Variants in GUCY1A2 observed in about 807,000 individuals in gnomAD.
The protein encoded by GUCY1A2 is guanylate cyclase soluble subunit alpha-2.
Under a neutral mutation model 63.5 loss-of-function variants are expected in GUCY1A2, and 27 were observed. The observed-to-expected ratio is 0.43, with a 90% CI of 0.31 to 0.59. GUCY1A2 has a LOEUF of 0.59. Ranked by LOEUF, GUCY1A2 falls within the 20% of genes least tolerant of loss-of-function variation. The probability of loss-of-function intolerance (pLI) is 0.11; values close to 1 mark genes in which losing one functional copy is unlikely to be tolerated. For missense variants in GUCY1A2, 768 were observed against 913.3 expected, an observed-to-expected ratio of 0.84 and a Z score of 2.05; for synonymous variants, 364 against 343.5, an observed-to-expected ratio of 1.06 and a Z score of -0.66.
intron 6 of GUCY1A2, among the ~76,000 whole-genome samples, chr11:106,768,630 A>T (rs1864203287): frequency 6.6e-6 from 1 of 152,314 alleles, no homozygotes; most frequent in South Asian, 2.1e-4. Context: ...GAAACTTAGC[A>T]TATATACATA....
In GUCY1A2 at chr11:106,679,506, T is replaced by TC. The variant is rs1364773370; in HGVS notation, c.*8042dup. 2 of 199,044 alleles carry TC rather than the reference T, an allele frequency of 1.0e-5. No individual in the cohort carries two copies. The highest frequency in any genetic ancestry group is 1.2e-4 in the Admixed American group (2 of 16,550). 12.3% of individuals were successfully genotyped at this position (199,044 alleles called of 1,614,324 possible). ...AATTTCAGGACACAAAATAAATATTTCCTATTATTTGTGATTAAATTTTTC... is the reference window on the plus strand; with the variant it reads ...AATTTCAGGACACAAAATAAATATTTCCCTATTATTTGTGATTAAATTTTTC... On this transcript the variant is annotated 3_prime_UTR_variant, in exon 8 of 8. Transcript: ENST00000526355.
intron 4 of GUCY1A2, among the ~76,000 whole-genome samples, chr11:106,925,075 T>C (rs557631293): frequency 1.5e-4 from 23 of 152,078 alleles, no homozygotes; most frequent in African/African-American, 5.1e-4. Flanking sequence ...TTTGAAAGGG[T>C]AGGAAGAAAC....
intron 4 of GUCY1A2, among the ~76,000 whole-genome samples, chr11:106,922,147 C>T (rs947586016): frequency 1.3e-5 from 2 of 152,140 alleles, no homozygotes; most frequent in Admixed American, 1.3e-4. Flanking sequence ...GCTAGCACCA[C>T]AGCATATGGG....
intron 4 of GUCY1A2, among the ~76,000 whole-genome samples, chr11:106,866,203 G>A (rs1300913374): frequency 6.6e-6 from 1 of 151,606 alleles, no homozygotes; most frequent in Non-Finnish European, 1.5e-5. Context: ...AAATGAAATA[G>A]TTAAATTGGA....
intron 5 of GUCY1A2, among the ~76,000 whole-genome samples, chr11:106,797,241 A>C (rs2135416195): frequency 6.6e-6 from 1 of 152,252 alleles, no homozygotes; most frequent in East Asian, 1.9e-4. Context: ...AGCTCGGAGA[A>C]GTTTGATCGT....
chr11:107,002,806 A>G (rs1238629441), intron 1 of GUCY1A2, among the ~76,000 whole-genome samples: 1 of 152,220 alleles, frequency 6.6e-6, no homozygotes, highest in East Asian at 1.9e-4. Context: ...TGCTAGATAT[A>G]CAAAATTACT....
At chr11:106,905,676 A>G (rs991287858) in intron 4 of GUCY1A2, among the ~76,000 whole-genome samples, 1 of 152,080 alleles carries the variant, frequency 6.6e-6, no homozygotes, top group African/African-American at 2.4e-5. Context: ...TGGCCGGTCT[A>G]AACAAATTAG....
At chr11:106,689,610 A>G (rs1412218119) in intron 7 of GUCY1A2, among the ~76,000 whole-genome samples, 1 of 152,202 alleles carries the variant, frequency 6.6e-6, no homozygotes, top group East Asian at 1.9e-4. Context: ...CGTATATGAA[A>G]AAAAGCTCAA....
intron 1 of GUCY1A2, among the ~76,000 whole-genome samples, chr11:106,990,085 T>C (rs2120151512): frequency 6.6e-6 from 1 of 152,302 alleles, no homozygotes; most frequent in African/African-American, 2.4e-5. Context: ...AAGAGGTCTG[T>C]AATTTTTCTC....
At chr11:106,865,379 C>A (rs531524847) in intron 4 of GUCY1A2, among the ~76,000 whole-genome samples, 1 of 151,968 alleles carries the variant, frequency 6.6e-6, no homozygotes. Flanking sequence ...GTGTCTCTAT[C>A]TCCTTCAGTT....
At chr11:106,925,569 G>A (rs527881509) in intron 4 of GUCY1A2, among the ~76,000 whole-genome samples, 16 of 152,080 alleles carry the variant, frequency 1.1e-4, no homozygotes, top group African/African-American at 3.9e-4. Flanking sequence ...CTAATTTTTG[G>A]CAAGACAAAT....
At chr11:106,832,766 A>C (rs1445041425) in intron 4 of GUCY1A2, among the ~76,000 whole-genome samples, 2 of 152,172 alleles carry the variant, frequency 1.3e-5, no homozygotes, top group Admixed American at 6.5e-5. Flanking sequence ...TTGGATGCAC[A>C]TTGGTTAATA....
intron 4 of GUCY1A2, among the ~76,000 whole-genome samples, chr11:106,848,042 G>T (rs950007627): frequency 4.0e-5 from 6 of 151,558 alleles, no homozygotes; most frequent in African/African-American, 2.4e-5. Flanking sequence ...AATGGATTCA[G>T]ATCTGTGGGC....
intron 6 of GUCY1A2, among the ~76,000 whole-genome samples, chr11:106,734,719 G>T (rs541863355): frequency 9.4e-4 from 143 of 152,218 alleles, no homozygotes; most frequent in African/African-American, 3.1e-3. Flanking sequence ...TGGAGGTATT[G>T]TTGTCCATGT....
At chr11:106,996,485 C>G (rs746833578) in intron 1 of GUCY1A2, among the ~76,000 whole-genome samples, 1 of 152,152 alleles carries the variant, frequency 6.6e-6, no homozygotes, top group African/African-American at 2.4e-5. Flanking sequence ...ATTAATTTTG[C>G]TTTGACTCTA....
At chr11:106,980,477 G>A (rs78530173) in intron 2 of GUCY1A2, among the ~76,000 whole-genome samples, 1 of 152,100 alleles carries the variant, frequency 6.6e-6, no homozygotes, top group Non-Finnish European at 1.5e-5. Context: ...GAAGAGAAAG[G>A]GACACAGAAA....
chr11:106,924,269 A>G (rs1860489197), intron 4 of GUCY1A2, among the ~76,000 whole-genome samples: 1 of 152,230 alleles, frequency 6.6e-6, no homozygotes, highest in South Asian at 2.1e-4. Context: ...GAACATTACA[A>G]GCTCACACTG....
At chr11:106,812,752 C>T (rs1041216137) in intron 4 of GUCY1A2, among the ~76,000 whole-genome samples, 3 of 151,812 alleles carry the variant, frequency 2.0e-5, no homozygotes, top group Admixed American at 2.0e-4. Context: ...TTATATGTGG[C>T]CATTAGTTTG....
intron 3 of GUCY1A2, among the ~76,000 whole-genome samples, chr11:106,949,843 C>A (rs1860881604): frequency 6.6e-6 from 1 of 152,098 alleles, no homozygotes; most frequent in Non-Finnish European, 1.5e-5. Context: ...CTATAGTAAC[C>A]CTAATCTTTG....
Sources: allele counts gnomAD v4.1 joint callset (sites outside exome capture counted in the v4.1 genomes callset), GRCh38; gene constraint gnomAD v4.1.1; transcripts MANE v1.5; gene names NCBI Gene and HGNC (gene_info 2026-07-23, HGNC 2026-07-21).